Variants in DENND2B observed in about 807,000 individuals in gnomAD.
The protein encoded by DENND2B is DENN domain-containing protein 2B.
Under a neutral mutation model 116.0 loss-of-function variants are expected in DENND2B, and 32 were observed. The observed-to-expected ratio is 0.28, with a 90% CI of 0.21 to 0.37. DENND2B has a LOEUF of 0.37. Ranked by LOEUF, DENND2B falls within the 10% of genes least tolerant of loss-of-function variation. The pLI, the probability that DENND2B is intolerant of heterozygous loss-of-function variation, is 1.00. For missense variants in DENND2B, 1,276 were observed against 1,477.7 expected, an observed-to-expected ratio of 0.86 and a Z score of 2.24; for synonymous variants, 588 against 583.9, an observed-to-expected ratio of 1.01 and a Z score of -0.10.
chr11:8,829,655 G>C (rs1021457601), intron 4 of DENND2B, among the ~76,000 whole-genome samples: 1 of 152,026 alleles, frequency 6.6e-6, no homozygotes, highest in Non-Finnish European at 1.5e-5. Flanking sequence ...CCAGCCAGAC[G>C]GACTTCCTGC....
In DENND2B at chr11:8,896,915, C is replaced by T. The variant is rs959254308; in HGVS notation, c.-256+13906G>A. On this transcript the variant is annotated intron_variant, in intron 1 of 22. Coordinates refer to the DENND2B transcript ENST00000534127. ...CTTCCTAGGTCAAAGAACATCTGTA[C>T]AAAACTGTTAAAACAATCATTTCAG... Among the ~76,000 whole-genome samples, 15 of 152,184 alleles carry T rather than the reference C, an allele frequency of 9.9e-5. 1 individual carries two copies. Among genetic ancestry groups the T allele is most frequent in the African/African-American group, 3.6e-4 (15 of 41,526 alleles).
At chr11:8,816,989 C>T (rs1051005704) in intron 4 of DENND2B, among the ~76,000 whole-genome samples, 1 of 152,142 alleles carries the variant, frequency 6.6e-6, no homozygotes, top group Admixed American at 6.5e-5. Context: ...AGAGGTCCAT[C>T]ACCAATGAAC....
intron 1 of DENND2B, among the ~76,000 whole-genome samples, chr11:8,887,088 A>G (rs1356218985): frequency 6.6e-6 from 1 of 152,190 alleles, no homozygotes; most frequent in African/African-American, 2.4e-5. Flanking sequence ...TCGGCCTCCC[A>G]AAGTGCTGGG....
In DENND2B at chr11:8,699,403, CAG is replaced by C. The variant is rs773907299; in HGVS notation, c.2721-15_2721-14del. The C allele has an allele frequency of 3.2e-6, 5 of 1,582,080 alleles. No individual in the cohort carries two copies. The highest frequency in any genetic ancestry group is 2.3e-5 in the South Asian group (2 of 86,218). On this transcript the variant is annotated splice_polypyrimidine_tract_variant and intron_variant, in intron 14 of 19. Transcript: ENST00000313726. ...GCTGGAGAGGGTACTGATGGGCAGA[CAG>C]AGAGACAGAGTACCTGAGCCCAGGC... is the stretch of plus-strand genomic sequence containing the variant.
chr11:8,850,392 C>G (rs557963112), intron 3 of DENND2B, among the ~76,000 whole-genome samples: 8 of 151,806 alleles, frequency 5.3e-5, no homozygotes, highest in African/African-American at 1.9e-4. Context: ...AGGACCTGAA[C>G]AGACGTTTTT....
In DENND2B at chr11:8,838,384, T is replaced by A. The variant is rs183087996; in HGVS notation, c.-115+926A>T. Reference sequence around the variant, plus strand: ...TAACACTGCAGGGATTAGAATCCAATTCTCCGAACTCACGTCCACCGCTCC... The same window carrying A: ...TAACACTGCAGGGATTAGAATCCAAATCTCCGAACTCACGTCCACCGCTCC... On this transcript the variant is annotated intron_variant, in intron 4 of 6. Coordinates refer to the DENND2B transcript ENST00000524757. Among the ~76,000 whole-genome samples, 309 of 152,326 alleles carry A rather than the reference T, an allele frequency of 2.0e-3. 2 individuals are homozygous for A. The highest frequency in any genetic ancestry group is 7.3e-3 in the African/African-American group (302 of 41,574).
intron 4 of DENND2B, among the ~76,000 whole-genome samples, chr11:8,833,794 A>C (rs1325572958): frequency 6.6e-6 from 1 of 152,214 alleles, no homozygotes; most frequent in African/African-American, 2.4e-5. Context: ...TCTGGTAGCC[A>C]AACATGTCTG....
chr11:8,721,145 C>A (rs1295209246), intron 4 of DENND2B, among the ~76,000 whole-genome samples: 3 of 152,118 alleles, frequency 2.0e-5, no homozygotes, highest in Admixed American at 1.3e-4. Flanking sequence ...CAAAAGGCAT[C>A]ACCGAGAATT....
intron 1 of DENND2B, among the ~76,000 whole-genome samples, chr11:8,885,726 T>C (rs1487293511): frequency 6.6e-6 from 1 of 152,164 alleles, no homozygotes; most frequent in Non-Finnish European, 1.5e-5. Context: ...AAATGTTATA[T>C]AAAAAGAAAA....
At chr11:8,728,591 T>G (rs534411768) in intron 3 of DENND2B, among the ~76,000 whole-genome samples, 1 of 580 alleles carries the variant, frequency 1.7e-3, no homozygotes, top group African/African-American at 2.2e-3. Context: ...GCTGATGAAC[T>G]CTCCCCCCCA....
chr11:8,706,200 GCAC>G (rs1357444967), intron 13 of DENND2B, among the ~76,000 whole-genome samples: 1 of 152,184 alleles, frequency 6.6e-6, no homozygotes, highest in Non-Finnish European at 1.5e-5. Context: ...AGCCATGATA[GCAC>G]CACTGCACTC....
At chr11:8,716,319 C>A (rs989672995) in intron 5 of DENND2B, among the ~76,000 whole-genome samples, 2 of 152,218 alleles carry the variant, frequency 1.3e-5, no homozygotes, top group Admixed American at 6.5e-5. Flanking sequence ...TGGGCTCTGA[C>A]CACCAAAGCT....
rs763507348 is a variant in DENND2B, at chr11:8,737,688, TCTC to T, written c.81-6482_81-6480del. On this transcript the variant is annotated intron_variant, in intron 2 of 19. Transcript: ENST00000313726. ...TTTTCTTTCTTTCTCTTTCTCTCTC[TCTC>T]CTTCCTTCCTCCCTCCCTCCTTTCT... 1.1e-3 allele frequency among the ~76,000 whole-genome samples: 168 copies of T among 152,080 alleles called. 1 individual carries two copies. The highest frequency in any genetic ancestry group is 3.8e-3 in the African/African-American group (159 of 41,466).
chr11:8,715,712 A>C lies in DENND2B; in HGVS notation c.1736T>G (p.Leu579Arg). ...LPKRHSHDDM[L>R]LLAQLSLPSS... ...CGGCAGACTCAGCTGAGCCAGCAGC[A>C]GCATGTCGTCATGGCTGTGCCTCTT... The change falls in exon 6 of 20, where the codon CTG becomes CGG. Residue 579 changes from leucine (L) to arginine (R), a missense_variant. Physicochemically the swap from Leu to Arg is moderately radical, Grantham distance 102 (BLOSUM62 -2). Transcript: ENST00000313726. 6.2e-7 allele frequency: 1 copy of C among 1,614,252 alleles called. No individual in the cohort carries two copies. The highest frequency in any genetic ancestry group is 8.5e-7 in the Non-Finnish European group (1 of 1,180,042).
At chr11:8,794,179 T>A (rs2059620320) in intron 1 of DENND2B, among the ~76,000 whole-genome samples, 1 of 152,226 alleles carries the variant, frequency 6.6e-6, no homozygotes, top group Non-Finnish European at 1.5e-5. Context: ...ATAGACGGTT[T>A]GATGCCTGCC....
In DENND2B at chr11:8,807,352, C is replaced by T. The variant is rs935486274; in HGVS notation, c.-26+3165G>A. 8.5e-5 allele frequency among the ~76,000 whole-genome samples: 13 copies of T among 152,174 alleles called. 1 individual carries two copies. Among genetic ancestry groups the T allele is most frequent in the Admixed American group, 7.2e-4 (11 of 15,264 alleles). ...TCCCTGAGGTGCCAGGTGGACCTCC[C>T]GTAATGCAGTTCTTAGAATCAGATG... is the stretch of plus-strand genomic sequence containing the variant. On this transcript the variant is annotated intron_variant, in intron 1 of 19. Coordinates refer to ENST00000313726, the MANE Select transcript of DENND2B (RefSeq NM_213618.2).
intron 1 of DENND2B, among the ~76,000 whole-genome samples, chr11:8,897,957 G>A (rs937169737): frequency 4.6e-5 from 7 of 152,080 alleles, no homozygotes; most frequent in South Asian, 2.1e-4. Context: ...AATTTCTTGC[G>A]AAGACAGGGC....
upstream of DENND2B, among the ~76,000 whole-genome samples, chr11:8,872,026 G>C (rs988949430): frequency 1.4e-4 from 21 of 152,132 alleles, no homozygotes; most frequent in African/African-American, 5.1e-4. Flanking sequence ...TGAAGTTTCA[G>C]TTTTACATTG....
Position 8,847,921 on chromosome 11 carries a change from C to T in DENND2B, c.-155-8571G>A, listed in dbSNP as rs1039281894. ...CCCGCAAATGATCAAAGTCTTTGAA[C>T]AAATGGCCTCAAATCTATAAAGTTT... On this transcript the variant is annotated intron_variant, in intron 3 of 6. Transcript: ENST00000524757. Among the ~76,000 whole-genome samples the T allele has an allele frequency of 2.6e-5, 4 of 152,212 alleles. No individual in the cohort carries two copies. The South Asian group carries it at 8.3e-4, about 32-fold the overall frequency.
Sources: gnomAD v4.1 joint callset for allele counts (sites outside exome capture counted in the v4.1 genomes callset) on GRCh38, gnomAD v4.1.1 for gene constraint, MANE v1.5 for transcripts, NCBI Gene and HGNC (gene_info 2026-07-23, HGNC 2026-07-21) for gene names.